Variants in PAK3 observed in about 807,000 individuals in gnomAD.
The protein encoded by PAK3 is serine/threonine-protein kinase PAK 3.
In PAK3, 4 loss-of-function variants were observed where a neutral mutation model predicts 41.0. The ratio of observed to expected loss-of-function variants is 0.10; its 90% CI spans 0.05 to 0.22. The LOEUF (loss-of-function observed/expected upper bound fraction) is 0.22, where lower values mean the gene tolerates loss of function less well. PAK3 is among the 10% of genes least tolerant of loss of function. The pLI is 1.00. For synonymous variants in PAK3, 146 were observed against 139.6 expected (o/e 1.05, Z -0.32); for missense variants, 205 against 409.9 (o/e 0.50, Z 4.32).
chrX:111,039,994 C>CAAAAAAAAAAAAAAAAAAAA (rs141289134), intron 1 of PAK3, among the ~76,000 whole-genome samples: 1 of 49,279 alleles, frequency 2.0e-5, no homozygotes, highest in Non-Finnish European at 3.9e-5. Context: ...GTAGATGGAG[C>CAAAAAAAAAAAAAAAAAAAA]AAAAAAAAAA....
chrX:110,997,963 C>T lies in PAK3; in HGVS notation c.-28+53335C>T, dbSNP rs745657608. Among the ~76,000 whole-genome samples, 10 of 111,714 alleles carry T rather than the reference C, an allele frequency of 9.0e-5. No individual in the cohort carries two copies. The East Asian group carries it at 1.1e-3, about 13-fold the overall frequency. On this transcript the variant is annotated intron_variant, in intron 1 of 14. Transcript: ENST00000425146. ...ACACCACCAGCACCTTGATCTTGGA[C>T]GTTCTAGCCTCTGAAACTGTAAGAA...
chrX:111,145,909 G>T (rs1337009128), intron 6 of PAK3, among the ~76,000 whole-genome samples: 2 of 111,572 alleles, frequency 1.8e-5, no homozygotes, highest in African/African-American at 6.5e-5. Flanking sequence ...ATAGAGTCTG[G>T]CTATGTGGGA....
chrX:111,133,751 T>C (rs1290633727), intron 5 of PAK3, among the ~76,000 whole-genome samples: 1 of 112,339 alleles, frequency 8.9e-6, no homozygotes, highest in African/African-American at 3.2e-5. Flanking sequence ...AAATGCTTTA[T>C]ATGATATTTT....
chrX:111,027,388 G>T (rs1315734544), intron 1 of PAK3, among the ~76,000 whole-genome samples: 1 of 111,942 alleles, frequency 8.9e-6, no homozygotes, highest in Admixed American at 9.5e-5. Context: ...ACAACCCACA[G>T]AGTGGGAGAA....
At chrX:111,199,285 TTTC>T (rs2094651547) in intron 16 of PAK3, among the ~76,000 whole-genome samples, 2 of 111,793 alleles carry the variant, frequency 1.8e-5, no homozygotes, top group African/African-American at 6.5e-5. Flanking sequence ...GATAGTTTGA[TTTC>T]TTCTCTTCCT....
intron 10 of PAK3, among the ~76,000 whole-genome samples, chrX:111,170,290 A>G (rs2094320527): frequency 9.0e-6 from 1 of 111,156 alleles, no homozygotes; most frequent in Non-Finnish European, 1.9e-5. Context: ...TGGAAATACA[A>G]AAGAAAAAGT....
chrX:111,163,321 A>C (rs1210442894), intron 9 of PAK3, among the ~76,000 whole-genome samples: 1 of 111,604 alleles, frequency 9.0e-6, no homozygotes, highest in African/African-American at 3.3e-5. Flanking sequence ...CATGTAAACC[A>C]GGTAGGAAGA....
At chrX:110,956,974 G>C (rs918095538) in intron 1 of PAK3, among the ~76,000 whole-genome samples, 5 of 111,598 alleles carry the variant, frequency 4.5e-5, no homozygotes, top group Admixed American at 9.5e-5. Flanking sequence ...ACCCACCACT[G>C]TCTGTGTACT....
chrX:111,188,303 G>T (rs2094531138), intron 11 of PAK3, among the ~76,000 whole-genome samples: 1 of 110,256 alleles, frequency 9.1e-6, no homozygotes, highest in East Asian at 2.9e-4. Context: ...TAGCCCTCAG[G>T]ACAGTGGGAA....
intron 16 of PAK3, among the ~76,000 whole-genome samples, chrX:111,206,702 T>C (rs2094751923): frequency 1.8e-5 from 2 of 112,265 alleles, no homozygotes; most frequent in Middle Eastern, 4.6e-3. Context: ...TTAGACCACA[T>C]TGCTCATTCA....
chrX:110,970,410 T>C (rs1468796013), intron 1 of PAK3, among the ~76,000 whole-genome samples: 1 of 112,095 alleles, frequency 8.9e-6, no homozygotes, highest in Non-Finnish European at 1.9e-5. Flanking sequence ...AGCTCTTTAG[T>C]GTAGCCATAA....
intron 1 of PAK3, among the ~76,000 whole-genome samples, chrX:110,948,157 T>G (rs140881830): frequency 5.0e-4 from 56 of 112,129 alleles, no homozygotes; most frequent in African/African-American, 1.8e-3. Context: ...TCTCTGGGTT[T>G]ATTTCCTTTC....
At chrX:110,972,239 C>G (rs1212151459) in intron 1 of PAK3, among the ~76,000 whole-genome samples, 1 of 111,426 alleles carries the variant, frequency 9.0e-6, no homozygotes, top group Admixed American at 9.5e-5. Flanking sequence ...TGCTTCACTG[C>G]GTTTGAGCTC....
chrX:110,970,722 C>T (rs1363371214), intron 1 of PAK3, among the ~76,000 whole-genome samples: 1 of 111,684 alleles, frequency 9.0e-6, no homozygotes, highest in African/African-American at 3.3e-5. Flanking sequence ...ATGTAAAAAA[C>T]CTGTACGTTC....
intron 1 of PAK3, among the ~76,000 whole-genome samples, chrX:111,013,209 A>G (rs1245389709): frequency 8.9e-6 from 1 of 112,507 alleles, no homozygotes; most frequent in Non-Finnish European, 1.9e-5. Context: ...TCACAATCCA[A>G]TTCTACCCTC....
rs1206416813 is a variant in PAK3 at position 111,163,543 on chromosome X, AGC to A, written c.601-18_601-17del. 6 of 1,174,455 alleles carry A rather than the reference AGC, an allele frequency of 5.1e-6. No homozygotes were observed. The highest frequency in any genetic ancestry group is 7.0e-6 in the Non-Finnish European group (6 of 862,061). ...CCTTGGCCTGCTGTTTTAATTGCAG[AGC>A]TTTTTGGTTTTTTTAGATCTATACT... On this transcript the variant is annotated splice_polypyrimidine_tract_variant and intron_variant, in intron 9 of 17. Transcript: ENST00000372007.
At chrX:111,090,944 G>A (rs769967586) in intron 1 of PAK3, among the ~76,000 whole-genome samples, 4 of 111,929 alleles carry the variant, frequency 3.6e-5, no homozygotes, top group Admixed American at 1.9e-4. Context: ...TTCCAGTAGT[G>A]CAGTGATTGA....
intron 1 of PAK3, among the ~76,000 whole-genome samples, chrX:110,987,593 A>G (rs942678862): frequency 1.8e-5 from 2 of 111,927 alleles, no homozygotes; most frequent in African/African-American, 6.5e-5. Context: ...TTTAACCCTC[A>G]TGCTTCACAG....
chrX:111,016,831 G>T (rs2092099082), intron 1 of PAK3, among the ~76,000 whole-genome samples: 1 of 109,712 alleles, frequency 9.1e-6, no homozygotes, highest in Admixed American at 9.8e-5. Flanking sequence ...AAAGAAGAAA[G>T]GAATAATTAG....
Sources: gnomAD v4.1 joint callset for allele counts (sites outside exome capture counted in the v4.1 genomes callset) on GRCh38, gnomAD v4.1.1 for gene constraint, MANE v1.5 for transcripts, NCBI Gene and HGNC (gene_info 2026-07-23, HGNC 2026-07-21) for gene names.